QSER1: variants seen among roughly 807,000 people sequenced by gnomAD.
QSER1 encodes glutamine and serine rich 1, also known as glutamine and serine-rich protein 1.
In QSER1, 49 loss-of-function variants were observed where a neutral mutation model predicts 158.5. The ratio of observed to expected loss-of-function variants is 0.31; its 90% confidence interval spans 0.25 to 0.39. QSER1 has a LOEUF of 0.39. Among genes scored for constraint, QSER1 ranks in the 10% least tolerant of loss-of-function variants. The probability of loss-of-function intolerance (pLI) is 1.00; values close to 1 mark genes in which losing one functional copy is unlikely to be tolerated. For missense variants in QSER1, 1,754 were observed against 2,010.3 expected (o/e 0.87, Z 2.44); for synonymous variants, 650 against 715.5 (o/e 0.91, Z 1.46).
chr11:32,932,157 T>G lies in QSER1; in HGVS notation c.899T>G (p.Phe300Cys). 1.9e-6 allele frequency: 3 copies of G among 1,614,194 alleles called. No individual in the cohort carries two copies. The highest frequency in any genetic ancestry group is 2.5e-6 in the Non-Finnish European group (3 of 1,180,028). ...CCTCAAGCCTACAGTTCAACTCTCTTTACTAGTTCTACTGCTTCCATTGAA... is the reference window on the plus strand; with the variant it reads ...CCTCAAGCCTACAGTTCAACTCTCTGTACTAGTTCTACTGCTTCCATTGAA... ...QTPQAYSSTL[F>C]TSSTASIERA... The change falls in exon 4 of 13, where the codon TTT becomes TGT. Residue 300 changes from phenylalanine (F) to cysteine (C), a missense_variant. Around this residue, in one of 2 missense-constraint regions of QSER1, gnomAD observed 1,707 missense variants for 1,919.6 expected, o/e 0.89. Coordinates refer to ENST00000650167, the MANE Select transcript of QSER1 (RefSeq NM_001076786.3).
At chr11:32,911,260 G>C (rs540030776) in intron 1 of QSER1, among the ~76,000 whole-genome samples, 1 of 152,178 alleles carries the variant, frequency 6.6e-6, no homozygotes, top group South Asian at 2.1e-4. Context: ...ACAGAGAGGG[G>C]AACAACACAC....
In QSER1 at chr11:32,934,987, T is replaced by G; in HGVS notation, c.3729T>G (p.Thr1243=). The change falls in exon 4 of 13, where the codon ACT becomes ACG. Residue 1243 remains threonine, a synonymous_variant. Transcript: ENST00000650167. The part of the protein sequence containing the change: ...PRGTDIYLPY[T]PPSSESCHDG... ...GAACAGATATTTACTTACCGTATAC[T>G]CCTCCTTCCTCAGAAAGCTGCCATG... is the stretch of plus-strand genomic sequence containing the variant. The G allele has an allele frequency of 6.2e-7, 1 of 1,614,042 alleles. No homozygotes were observed. The highest frequency in any genetic ancestry group is 8.5e-7 in the Non-Finnish European group (1 of 1,179,980).
chr11:32,962,653 A>C (rs1225617472), intron 8 of QSER1, among the ~76,000 whole-genome samples: 3 of 152,200 alleles, frequency 2.0e-5, no homozygotes, highest in African/African-American at 7.2e-5. Context: ...TTAAGGTCAG[A>C]TATTTCATTT....
chr11:32,940,409 G>A (rs1459218319), intron 4 of QSER1, among the ~76,000 whole-genome samples: 3 of 152,042 alleles, frequency 2.0e-5, no homozygotes, highest in Non-Finnish European at 4.4e-5. Flanking sequence ...TAACTTGCTA[G>A]TATTTTATTT....
intron 10 of QSER1, among the ~76,000 whole-genome samples, chr11:32,970,647 C>T (rs1378508502): frequency 1.3e-5 from 2 of 151,724 alleles, no homozygotes; most frequent in Non-Finnish European, 1.5e-5. Context: ...TCAAGTGATC[C>T]GCCTACTTCC....
At chr11:32,972,723 A>G (rs1852891172) in intron 10 of QSER1, among the ~76,000 whole-genome samples, 1 of 152,170 alleles carries the variant, frequency 6.6e-6, no homozygotes. Flanking sequence ...GGCATGAGCC[A>G]CCATTCCTGG....
chr11:32,901,348 A>G (rs926036036), intron 1 of QSER1, among the ~76,000 whole-genome samples: 3 of 152,236 alleles, frequency 2.0e-5, no homozygotes, highest in Non-Finnish European at 2.9e-5. Context: ...AATAACTGCT[A>G]TTAATACTTG....
At chr11:32,901,658 A>G (rs1352671091) in intron 1 of QSER1, among the ~76,000 whole-genome samples, 1 of 152,200 alleles carries the variant, frequency 6.6e-6, no homozygotes, top group African/African-American at 2.4e-5. Flanking sequence ...CAGAATTGTC[A>G]TGGGAGGGAA....
intron 1 of QSER1, among the ~76,000 whole-genome samples, chr11:32,901,995 A>T (rs1851631762): frequency 6.6e-6 from 1 of 152,162 alleles, no homozygotes; most frequent in Admixed American, 6.5e-5. Context: ...AGGTGGGAGG[A>T]TCGCTTGAGC....
intron 8 of QSER1, among the ~76,000 whole-genome samples, chr11:32,964,739 T>TACACACACAC (rs1176492165): frequency 3.0e-5 from 3 of 100,758 alleles, no homozygotes; most frequent in African/African-American, 4.1e-5. Flanking sequence ...TATATATATA[T>TACACACACAC]ACACACACAC....
Position 32,953,970 on chromosome 11 carries a change from G to T in QSER1, c.4291G>T (p.Ala1431Ser). 6.2e-7 allele frequency: 1 copy of T among 1,614,108 alleles called. No individual in the cohort carries two copies. The highest frequency in any genetic ancestry group is 1.3e-5 in the African/African-American group (1 of 75,044). The part of the protein sequence containing the change: ...KQEPLHSTSY[A>S]VNILENISSS... ...AGAACCTCTCCACTCTACTTCATAT[G>T]CAGTAAATATTCTGGAAAATATAAG... is the stretch of plus-strand genomic sequence containing the variant. The change falls in exon 5 of 13, where the codon GCA (alanine) becomes TCA (serine). Residue 1431 changes from alanine (A) to serine (S), a missense_variant. Transcript: ENST00000650167.
At chr11:32,948,687 T>C (rs886585441) in intron 4 of QSER1, among the ~76,000 whole-genome samples, 1 of 152,244 alleles carries the variant, frequency 6.6e-6, no homozygotes, top group South Asian at 2.1e-4. Context: ...ACAAAGGGCA[T>C]ATAAATAAAG....
At chr11:32,937,962 T>C (rs574124565) in intron 4 of QSER1, among the ~76,000 whole-genome samples, 1 of 152,340 alleles carries the variant, frequency 6.6e-6, no homozygotes, top group East Asian at 1.9e-4. Context: ...GAATTAGTGC[T>C]CCTATCCTTT....
At chr11:32,936,922 A>G (rs1852160951) in intron 4 of QSER1, among the ~76,000 whole-genome samples, 1 of 152,260 alleles carries the variant, frequency 6.6e-6, no homozygotes, top group Non-Finnish European at 1.5e-5. Context: ...ACACAGGGAA[A>G]TTAACATGAT....
chr11:32,926,594 T>C (rs1851975105), intron 1 of QSER1: 1 of 152,174 alleles, frequency 6.6e-6, no homozygotes, highest in African/African-American at 2.4e-5. Context: ...AACCTTTCCT[T>C]TCCAAGAAGA....
rs963869644 is a variant in QSER1, at chr11:32,976,823, C to T, written c.*349C>T. 7 of 199,974 alleles carry T rather than the reference C, an allele frequency of 3.5e-5. No homozygotes were observed. Among genetic ancestry groups the T allele is most frequent in the Non-Finnish European group, 5.0e-5 (5 of 99,862 alleles). 12.4% of individuals were successfully genotyped at this position (199,974 alleles called of 1,614,324 possible). A position where few individuals can be genotyped will look rare whatever the true frequency, so the allele number is the denominator to read the frequency against. On this transcript the variant is annotated 3_prime_UTR_variant, in exon 13 of 13. Transcript: ENST00000650167. ...GCTAGAGAAGTAACACTTAAAGTAA[C>T]GATTTTTTTTTTCTGACTCCGGCTA...
Position 32,934,021 on chromosome 11 carries a change from A to T in QSER1, c.2763A>T (p.Glu921Asp). Reference protein sequence around the residue: ...SQQQLHPQNSEVMKMDLSESS... With the variant: ...SQQQLHPQNSDVMKMDLSESS... ...AGCAACTCCATCCTCAAAATTCTGA[A>T]GTTATGAAAATGGACCTCTCTGAGT... The change falls in exon 4 of 13, where the codon GAA becomes GAT. Residue 921 changes from glutamate to aspartate, a missense_variant. Transcript: ENST00000650167. 1 of 1,613,678 alleles carries T rather than the reference A, an allele frequency of 6.2e-7. No homozygotes were observed. The highest frequency in any genetic ancestry group is 1.1e-5 in the South Asian group (1 of 90,962).
At chr11:32,966,262 G>A (rs752649273) in intron 8 of QSER1, 38 bp from the exon 9 acceptor site, 2 of 1,592,952 alleles carry the variant, frequency 1.3e-6, no homozygotes, top group South Asian at 1.1e-5. Context: ...AAATTGTCAG[G>A]AAGGAAAATT....
chr11:32,941,483 T>G (rs1387544925), intron 4 of QSER1, among the ~76,000 whole-genome samples: 2 of 150,368 alleles, frequency 1.3e-5, no homozygotes, highest in African/African-American at 4.9e-5. Flanking sequence ...TATGCGGTGT[T>G]TGGTTTTTTG....
Sources: gnomAD v4.1 joint callset for allele counts (sites outside exome capture counted in the v4.1 genomes callset) on GRCh38, gnomAD v4.1.1 for gene constraint, gnomAD v4.1.1 regional missense constraint, MANE v1.5 for transcripts, NCBI Gene and HGNC (gene_info 2026-07-23, HGNC 2026-07-21) for gene names.